The following BSN variants were observed in gnomAD, a reference collection of about 807,000 sequenced individuals.
The protein encoded by BSN is protein bassoon.
In BSN, 57 loss-of-function variants were observed where a neutral mutation model predicts 264.8. The observed-to-expected ratio is 0.22, with a 90% CI of 0.17 to 0.27. The LOEUF is 0.27. Ranked by LOEUF, BSN falls within the 10% of genes least tolerant of loss-of-function variation. The pLI is 1.00. For synonymous variants in BSN, 2,059 were observed against 2,137.3 expected, an observed-to-expected ratio of 0.96 and a Z score of 1.01; for missense variants, 4,615 against 5,232.5, an observed-to-expected ratio of 0.88 and a Z score of 3.64.
chr3:49,658,037 C>A lies in BSN; in HGVS notation c.8481C>A (p.His2827Gln). The change falls in exon 5 of 12, where the codon CAC (histidine) becomes CAA (glutamine). Residue 2827 changes from histidine to glutamine, a missense_variant. His to Gln is a conservative substitution (Grantham distance 24). This residue lies in a region of BSN where 3,415 missense variants were observed against 3,866.4 expected (regional missense o/e 0.88). Transcript: ENST00000296452. Reference sequence around the variant, plus strand: ...AAGCTCACGTGAGTCCCCAGAAGCACTTCACGGCTGACAGCGCTCTCCGCC... The same window carrying A: ...AAGCTCACGTGAGTCCCCAGAAGCAATTCACGGCTGACAGCGCTCTCCGCC... Reference protein sequence around the residue: ...LNKAHVSPQKHFTADSALRQQ... With the variant: ...LNKAHVSPQKQFTADSALRQQ... 6.2e-7 allele frequency: 1 copy of A among 1,613,628 alleles called. No homozygotes were observed. The highest frequency in any genetic ancestry group is 8.5e-7 in the Non-Finnish European group (1 of 1,179,984).
At chr3:49,583,854 C>T (rs1016214689) in intron 1 of BSN, among the ~76,000 whole-genome samples, 2 of 151,998 alleles carry the variant, frequency 1.3e-5, no homozygotes, top group Non-Finnish European at 2.9e-5. Flanking sequence ...ATAGTATTCT[C>T]TTGCAATCCG....
At position 49,663,355 on chromosome 3, in the gene BSN, G is replaced by A. The variant is rs749102842; in HGVS notation, c.11197G>A (p.Ala3733Thr). The A allele has an allele frequency of 2.9e-5, 47 of 1,613,294 alleles. No homozygotes were observed. The highest frequency in any genetic ancestry group is 3.3e-5 in the Admixed American group (2 of 60,012). The change falls in exon 7 of 12, where the codon GCT becomes ACT. Residue 3733 changes from alanine to threonine, a missense_variant. Ala to Thr is a moderately conservative substitution (Grantham distance 58, BLOSUM62 0). Coordinates refer to ENST00000296452, the MANE Select transcript of BSN (RefSeq NM_003458.4). ...KGSRQAHSGP[A>T]ALQSKAEPQA... ...CTCCCGGCAAGCCCACTCCGGGCCC[G>A]CTGCACTGCAGTCAAAGGCAGAACC...
intron 1 of BSN, among the ~76,000 whole-genome samples, chr3:49,569,995 G>C (rs1226980922): frequency 6.6e-6 from 1 of 152,188 alleles, no homozygotes. Context: ...CTGTTGGGCA[G>C]CTGAGCAGAG....
chr3:49,573,209 C>T (rs1384193152), intron 1 of BSN, among the ~76,000 whole-genome samples: 1 of 152,102 alleles, frequency 6.6e-6, no homozygotes, highest in Non-Finnish European at 1.5e-5. Flanking sequence ...CAGGTGAAGA[C>T]ATGTGTGATG....
At chr3:49,579,606 A>G (rs1340519743) in intron 1 of BSN, among the ~76,000 whole-genome samples, 1 of 151,168 alleles carries the variant, frequency 6.6e-6, no homozygotes, top group Non-Finnish European at 1.5e-5. Context: ...TATTTTTAGT[A>G]GAGACAGGGT....
chr3:49,591,077 A>C (rs1304875268), intron 1 of BSN, among the ~76,000 whole-genome samples: 1 of 152,132 alleles, frequency 6.6e-6, no homozygotes, highest in Non-Finnish European at 1.5e-5. Flanking sequence ...TCTCAAAAAA[A>C]AAAAAGAAAA....
chr3:49,627,370 G>A (rs764924456), intron 2 of BSN, among the ~76,000 whole-genome samples: 2 of 152,148 alleles, frequency 1.3e-5, no homozygotes, highest in Non-Finnish European at 2.9e-5. Context: ...TTTTCAGGTA[G>A]AACCTTCGCT....
At chr3:49,667,277 A>G (rs2052719261) in intron 11 of BSN, among the ~76,000 whole-genome samples, 1 of 151,376 alleles carries the variant, frequency 6.6e-6, no homozygotes, top group African/African-American at 2.4e-5. Context: ...TTGCCATTTC[A>G]AACCAAATCC....
chr3:49,623,489 A>G (rs1217425105), intron 1 of BSN, among the ~76,000 whole-genome samples: 2 of 152,202 alleles, frequency 1.3e-5, no homozygotes, highest in African/African-American at 2.4e-5. Context: ...ATTTAGCCTG[A>G]CAGTTTGCTT....
chr3:49,628,225 A>C (rs1575441720), intron 2 of BSN, among the ~76,000 whole-genome samples: 2 of 152,144 alleles, frequency 1.3e-5, no homozygotes, highest in Non-Finnish European at 2.9e-5. Flanking sequence ...GCTGGTTTGG[A>C]ACTCAAGCTG....
chr3:49,642,561 C>G lies in BSN; in HGVS notation c.927C>G (p.Pro309=). 6.2e-7 allele frequency: 1 copy of G among 1,603,946 alleles called. No individual in the cohort carries two copies. Among genetic ancestry groups the G allele is most frequent in the Non-Finnish European group, 8.5e-7 (1 of 1,174,020 alleles). The change falls in exon 3 of 12, where the codon CCC becomes CCG. Residue 309 remains proline, a synonymous_variant. Coordinates refer to ENST00000296452, the MANE Select transcript of BSN (RefSeq NM_003458.4). This position sits in a 1 kb window ranked among gnomAD's most constrained non-coding sequence, Gnocchi z 7.0. ...GGGTGTCTCCTCAGCCCCCTCAACC[C>G]ACCAAGCCTTCCACAGCTGAGCCCA... The part of the protein sequence containing the change: ...VGRVSPQPPQ[P]TKPSTAEPRP...
intron 1 of BSN, among the ~76,000 whole-genome samples, chr3:49,617,235 T>C (rs1042210490): frequency 2.0e-5 from 3 of 151,196 alleles, no homozygotes; most frequent in Admixed American, 6.6e-5. Flanking sequence ...ACCTGCACGT[T>C]CTGCACATGT....
intron 2 of BSN, among the ~76,000 whole-genome samples, chr3:49,634,618 C>T (rs2108065593): frequency 6.6e-6 from 1 of 152,254 alleles, no homozygotes; most frequent in African/African-American, 2.4e-5. Flanking sequence ...TCTCGAAATC[C>T]TGACCTCAAG....
chr3:49,613,858 A>G (rs2052232787), intron 1 of BSN, among the ~76,000 whole-genome samples: 1 of 152,022 alleles, frequency 6.6e-6, no homozygotes, highest in Non-Finnish European at 1.5e-5. Context: ...TCAAGAACTC[A>G]GGAAACGTGG....
chr3:49,630,882 A>G (rs996344648), intron 2 of BSN, among the ~76,000 whole-genome samples: 5 of 152,182 alleles, frequency 3.3e-5, no homozygotes, highest in Non-Finnish European at 7.3e-5. Context: ...AGGAAGAGGC[A>G]GGGACCAGGA....
At chr3:49,624,665 G>A (rs1453031123) in intron 1 of BSN, among the ~76,000 whole-genome samples, 1 of 152,188 alleles carries the variant, frequency 6.6e-6, no homozygotes, top group Non-Finnish European at 1.5e-5. Context: ...TCAGATGAGA[G>A]TATTGGCATC....
chr3:49,581,834 C>G lies in BSN; in HGVS notation c.224+27008C>G, dbSNP rs539251343. ...CAAGACTCTGTCTCAAAAAAAAACCCAAAAAACAAAACAAAAAAAAACAAA... is the reference window on the plus strand; with the variant it reads ...CAAGACTCTGTCTCAAAAAAAAACCGAAAAAACAAAACAAAAAAAAACAAA... On this transcript the variant is annotated intron_variant, in intron 1 of 11. Transcript: ENST00000296452. 2.6e-5 allele frequency among the ~76,000 whole-genome samples: 4 copies of G among 151,516 alleles called. No individual in the cohort carries two copies. The South Asian group carries it at 8.4e-4, about 32-fold the overall frequency.
At chr3:49,597,953 A>G (rs1255148990) in intron 1 of BSN, among the ~76,000 whole-genome samples, 1 of 152,112 alleles carries the variant, frequency 6.6e-6, no homozygotes, top group African/African-American at 2.4e-5. Context: ...TCATTATTGT[A>G]CTTTTCAACA....
chr3:49,589,235 C>T (rs1030228929), intron 1 of BSN, among the ~76,000 whole-genome samples: 27 of 151,520 alleles, frequency 1.8e-4, no homozygotes, highest in African/African-American at 6.1e-4. Flanking sequence ...TTTAAATACC[C>T]GTTAGTTCTA....
Sources: gnomAD v4.1 joint callset for allele counts (sites outside exome capture counted in the v4.1 genomes callset) on GRCh38, gnomAD v4.1.1 for gene constraint, gnomAD v4.1.1 regional missense constraint, Gnocchi (gnomAD v3.1) non-coding constraint, MANE v1.5 for transcripts, NCBI Gene and HGNC (gene_info 2026-07-23, HGNC 2026-07-21) for gene names.